The following MYO10 variants were observed in gnomAD, a reference collection of about 807,000 sequenced individuals.
MYO10 encodes unconventional myosin-X.
MYO10 carries 133 observed loss-of-function variants against 257.3 expected under a neutral mutation model. The observed-to-expected ratio is 0.52, with a 90% confidence interval of 0.45 to 0.60. MYO10 has a LOEUF of 0.60. Ranked by LOEUF, MYO10 falls within the 20% of genes least tolerant of loss-of-function variation. MYO10 has a pLI of 0.00. For synonymous variants in MYO10, 1,104 were observed against 1,028.6 expected (o/e 1.07, Z -1.40); for missense variants, 2,399 against 2,635.7 (o/e 0.91, Z 1.97).
At chr5:16,869,848 G>A (rs1004406778) in intron 2 of MYO10, among the ~76,000 whole-genome samples, 1 of 144,226 alleles carries the variant, frequency 6.9e-6, no homozygotes, top group African/African-American at 2.6e-5. Context: ...TGGGGCAAAA[G>A]AGCAAGACTC....
chr5:16,662,786 TAGTG>T lies in MYO10; in HGVS notation c.*3902_*3905del, dbSNP rs1349436357. 1 of 152,106 alleles carries T rather than the reference TAGTG, an allele frequency of 6.6e-6. No homozygotes were observed. Among genetic ancestry groups the T allele is most frequent in the Non-Finnish European group, 1.5e-5 (1 of 68,020 alleles). 9.4% of individuals were successfully genotyped at this position (152,106 alleles called of 1,614,324 possible). A position where few individuals can be genotyped will look rare whatever the true frequency, so the allele number is the denominator to read the frequency against. ...GGTTTTCCCATGCTGTTCTTGTCCA[TAGTG>T]AGTATGTCTCGGAAGAGCTAATGGT... On this transcript the variant is annotated 3_prime_UTR_variant, in exon 41 of 41. Transcript: ENST00000513610.
chr5:16,923,924 T>C (rs1055868523), intron 1 of MYO10, among the ~76,000 whole-genome samples: 2 of 152,128 alleles, frequency 1.3e-5, no homozygotes, highest in African/African-American at 4.8e-5. Context: ...ACCTCATCTC[T>C]ACAAAAAATG....
chr5:16,876,456 A>G (rs1264940144), intron 2 of MYO10, among the ~76,000 whole-genome samples: 1 of 152,220 alleles, frequency 6.6e-6, no homozygotes, highest in Non-Finnish European at 1.5e-5. Flanking sequence ...AAATAGGCTC[A>G]GCTTCAGTGA....
intron 19 of MYO10, chr5:16,738,010 G>A: frequency 1.4e-6 from 1 of 696,848 alleles, no homozygotes; most frequent in Non-Finnish European, 1.8e-6. Flanking sequence ...GTGAAGCAGA[G>A]TAGCACGGAA....
At chr5:16,735,520 T>TA (rs2126623433) in intron 19 of MYO10, among the ~76,000 whole-genome samples, 1 of 151,948 alleles carries the variant, frequency 6.6e-6, no homozygotes, top group East Asian at 1.9e-4. Context: ...GCCTGGGCAA[T>TA]ATAGGGAGAC....
chr5:16,750,185 G>A (rs758137013), intron 19 of MYO10, among the ~76,000 whole-genome samples: 34 of 152,280 alleles, frequency 2.2e-4, no homozygotes, highest in South Asian at 6.2e-4. Flanking sequence ...GCAGACTGGC[G>A]TCTCTCGGGA....
intron 21 of MYO10, among the ~76,000 whole-genome samples, chr5:16,707,622 A>G (rs116230424): frequency 1.3e-3 from 195 of 152,346 alleles, no homozygotes; most frequent in African/African-American, 4.6e-3. Flanking sequence ...GAGGGTCAGA[A>G]AAGTAAAAGT....
rs745913965 is a variant in MYO10 at position 16,769,202 on chromosome 5, G to A, written c.932C>T (p.Thr311Met). The change falls in exon 10 of 41, where the codon ACG (threonine) becomes ATG (methionine). Residue 311 changes from threonine to methionine, a missense_variant and splice_region_variant. Coordinates refer to ENST00000513610, the MANE Select transcript of MYO10 (RefSeq NM_012334.3). ...GCTGAACTGCATCACGTCCATTGCC[G>A]TCTAGAAGAAAATAAATGTATTTAA... is the stretch of plus-strand genomic sequence containing the variant. ...SDQESFREVITAMDVMQFSKE... is the reference protein window; with the variant it reads ...SDQESFREVIMAMDVMQFSKE... 99 of 1,595,862 alleles carry A rather than the reference G, an allele frequency of 6.2e-5. No individual in the cohort carries two copies. Among genetic ancestry groups the A allele is most frequent in the Non-Finnish European group, 7.2e-5 (85 of 1,173,778 alleles).
chr5:16,840,740 G>T (rs550819471), intron 2 of MYO10, among the ~76,000 whole-genome samples: 1 of 152,194 alleles, frequency 6.6e-6, no homozygotes, highest in East Asian at 1.9e-4. Flanking sequence ...AAATATGCAA[G>T]CCCATATTTA....
At chr5:16,706,548 TAAC>T (rs1341008420) in intron 21 of MYO10, among the ~76,000 whole-genome samples, 4 of 151,960 alleles carry the variant, frequency 2.6e-5, no homozygotes, top group Admixed American at 6.6e-5. Flanking sequence ...AAAGGAAAAA[TAAC>T]AGCCAAATCT....
At chr5:16,891,742 T>C (rs1745067863) in intron 1 of MYO10, among the ~76,000 whole-genome samples, 1 of 152,122 alleles carries the variant, frequency 6.6e-6, no homozygotes, top group Admixed American at 6.6e-5. Flanking sequence ...CCAACCACCA[T>C]CTTCATTCTT....
chr5:16,713,587 T>G (rs572429056), intron 19 of MYO10: 1 of 778,164 alleles, frequency 1.3e-6, no homozygotes, highest in Non-Finnish European at 1.6e-6. Context: ...GGCCTCGAGA[T>G]CCAGGCTCCC....
chr5:16,902,246 T>C, intron 1 of MYO10: 1 of 745,388 alleles, frequency 1.3e-6, no homozygotes, highest in Non-Finnish European at 2.4e-6. Flanking sequence ...TTCCATTTTA[T>C]TTTTCTCCAG....
intron 3 of MYO10, among the ~76,000 whole-genome samples, chr5:16,805,458 C>CAA (rs36126574): frequency 0.032 from 2,461 of 77,618 alleles, 91 homozygotes; most frequent in Admixed American, 0.055. Context: ...GACTCCATCT[C>CAA]AAAAAAAAAA....
intron 2 of MYO10, among the ~76,000 whole-genome samples, chr5:16,826,719 C>CT (rs1470467267): frequency 6.6e-6 from 1 of 152,170 alleles, no homozygotes; most frequent in Non-Finnish European, 1.5e-5. Flanking sequence ...ACGAAGTTGG[C>CT]TGGCCTCGTT....
intron 1 of MYO10, among the ~76,000 whole-genome samples, chr5:16,907,784 G>A (rs961287091): frequency 1.6e-4 from 24 of 152,186 alleles, no homozygotes; most frequent in Non-Finnish European, 1.6e-4. Context: ...CATTTCCAGA[G>A]AGCAGCTGCT....
At chr5:16,765,566 A>G (rs1259472525) in intron 11 of MYO10, among the ~76,000 whole-genome samples, 1 of 152,254 alleles carries the variant, frequency 6.6e-6, no homozygotes, top group Non-Finnish European at 1.5e-5. Flanking sequence ...GGCTCAGCGC[A>G]GTAGCAGAGG....
chr5:16,809,044 A>G (rs1283346425), intron 3 of MYO10, among the ~76,000 whole-genome samples: 1 of 151,956 alleles, frequency 6.6e-6, no homozygotes, highest in Non-Finnish European at 1.5e-5. Context: ...TCAAATTGCC[A>G]CTCTCATGTG....
chr5:16,732,793 T>G (rs1385527290), intron 19 of MYO10, among the ~76,000 whole-genome samples: 3 of 152,144 alleles, frequency 2.0e-5, no homozygotes, highest in Non-Finnish European at 4.4e-5. Context: ...GTGGTCAAAC[T>G]GAGATTTGGA....
Sources: allele counts gnomAD v4.1 joint callset (sites outside exome capture counted in the v4.1 genomes callset), GRCh38; gene constraint gnomAD v4.1.1; transcripts MANE v1.5; gene names NCBI Gene and HGNC (gene_info 2026-07-23, HGNC 2026-07-21).